The following EIF3B variants were observed in gnomAD, a reference collection of about 807,000 sequenced individuals.
EIF3B encodes the protein eukaryotic translation initiation factor 3 subunit B, also known as eukaryotic translation initiation factor 3 subunit 9.
Under a neutral mutation model 104.6 loss-of-function variants are expected in EIF3B, and 10 were observed. The observed-to-expected ratio is 0.10, with a 90% CI of 0.06 to 0.16. The LOEUF (loss-of-function observed/expected upper bound fraction) is 0.16. Among genes scored for constraint, EIF3B ranks in the 10% least tolerant of loss-of-function variants. The probability of loss-of-function intolerance (pLI) is 1.00; values close to 1 mark genes in which losing one functional copy is unlikely to be tolerated. For synonymous variants in EIF3B, 542 were observed against 417.2 expected, an observed-to-expected ratio of 1.30 and a Z score of -3.65; for missense variants, 1,014 against 1,087.9, an observed-to-expected ratio of 0.93 and a Z score of 0.96.
intron 9 of EIF3B, 92 bp from the exon 10 acceptor site, chr7:2,369,380 T>C: frequency 1.5e-6 from 2 of 1,351,696 alleles, no homozygotes; most frequent in East Asian, 2.3e-5. Flanking sequence ...ATTGAGCTTC[T>C]ATATAGCAAA....
chr7:2,374,283 A>T (rs892551082), intron 12 of EIF3B: 4 of 400,540 alleles, frequency 1.0e-5, no homozygotes, highest in Middle Eastern at 6.7e-4. Context: ...CAGTTACCTC[A>T]GGAAATAAGA....
chr7:2,368,128 G>C (rs1391935289), intron 9 of EIF3B, among the ~76,000 whole-genome samples: 1 of 151,828 alleles, frequency 6.6e-6, no homozygotes, highest in East Asian at 1.9e-4. Context: ...ACTGGCGTGA[G>C]CCACCACACC....
intron 1 of EIF3B, among the ~76,000 whole-genome samples, chr7:2,358,995 G>A (rs989131075): frequency 5.3e-5 from 8 of 152,120 alleles, no homozygotes; most frequent in African/African-American, 1.9e-4. Context: ...GAGGCAGGAG[G>A]ATTGCTAGAG....
At position 2,369,475 on chromosome 7, in the gene EIF3B, C is replaced by T; in HGVS notation, c.1407C>T (p.Asp469=). 6.2e-7 allele frequency: 1 copy of T among 1,614,206 alleles called. No individual in the cohort carries two copies. Among genetic ancestry groups the T allele is most frequent in the Non-Finnish European group, 8.5e-7 (1 of 1,180,022 alleles). Residue 469 remains aspartate (D), a synonymous_variant, in exon 10 of 19, where the codon GAC becomes GAT. Coordinates refer to ENST00000360876, the MANE Select transcript of EIF3B (RefSeq NM_001037283.2). ...KKSLKISGIK[D]FSWSPGGNII... is the part of the protein sequence containing the mutation. ...ATTTTATTTTCCTGTTCTGCAGAGA[C>T]TTTTCTTGGTCTCCTGGTGGTAACA...
intron 5 of EIF3B, 58 bp downstream of exon 5, chr7:2,363,818 A>G: frequency 6.4e-7 from 1 of 1,556,236 alleles, no homozygotes; most frequent in Non-Finnish European, 8.6e-7. Context: ...TCCTTAACAA[A>G]GTGGAACTTT....
intron 10 of EIF3B, among the ~76,000 whole-genome samples, chr7:2,371,285 T>G (rs1019963039): frequency 3.9e-5 from 6 of 152,220 alleles, no homozygotes; most frequent in Admixed American, 3.3e-4. Flanking sequence ...CAGTAATCTC[T>G]TGTTGGGTGG....
Position 2,378,697 on chromosome 7 carries a change from A to G in EIF3B, c.2163A>G (p.Lys721=). 6.2e-7 allele frequency: 1 copy of G among 1,613,918 alleles called. No homozygotes were observed. ...TGGGTCTTTTGTTTCAGCAAATTAA[A>G]AAGGATCTGAAGAAATACTCTAAGA... ...LLSQEQIKQI[K]KDLKKYSKIF... The change falls in exon 16 of 19, where the codon AAA becomes AAG. Residue 721 remains lysine (K), a synonymous_variant. Transcript: ENST00000360876.
intron 1 of EIF3B, among the ~76,000 whole-genome samples, chr7:2,358,987 G>A (rs1017511685): frequency 1.3e-5 from 2 of 152,028 alleles, no homozygotes; most frequent in African/African-American, 2.4e-5. Flanking sequence ...GGGAGGCTGA[G>A]GCAGGAGGAT....
At chr7:2,378,641 C>A in intron 15 of EIF3B, 48 bp from the exon 16 acceptor site, 2 of 1,543,046 alleles carry the variant, frequency 1.3e-6, no homozygotes, top group Non-Finnish European at 1.8e-6. Context: ...TGCATTTGTG[C>A]TTGTTGCTTT....
rs749437686 is a variant in EIF3B at position 2,366,533 on chromosome 7, A to G, written c.1298A>G (p.His433Arg). 5 of 1,614,238 alleles carry G rather than the reference A, an allele frequency of 3.1e-6. No homozygotes were observed. The highest frequency in any genetic ancestry group is 4.2e-6 in the Non-Finnish European group (5 of 1,180,034). The change falls in exon 8 of 19, where the codon CAT (histidine) becomes CGT (arginine). Residue 433 changes from histidine (H) to arginine (R), a missense_variant. Coordinates refer to ENST00000360876, the MANE Select transcript of EIF3B (RefSeq NM_001037283.2). The stretch of plus-strand genomic sequence containing the variant: ...ACTTTTGTTTTTCTTAGGTGGAGCC[A>G]TGATGGCAAATTCTTTGCCAGAATG... ...SAHWPIFKWS[H>R]DGKFFARMTL... is the part of the protein sequence containing the mutation.
chr7:2,362,737 G>A lies in EIF3B; in HGVS notation c.785G>A (p.Arg262Gln), dbSNP rs769844132. Residue 262 changes from arginine (R) to glutamine (Q), a missense_variant, in exon 3 of 19, where the codon CGG (arginine) becomes CAG (glutamine). Arg to Gln is a conservative substitution (Grantham distance 43). Transcript: ENST00000360876. Reference sequence around the variant, plus strand: ...AAGCTTGACAAGCAGCACACATTCCGGGTCAACCTCTTTACGGATTTTGAC... The same window carrying A: ...AAGCTTGACAAGCAGCACACATTCCAGGTCAACCTCTTTACGGATTTTGAC... ...GYKLDKQHTF[R>Q]VNLFTDFDKY... 5.6e-6 allele frequency: 9 copies of A among 1,614,154 alleles called. No individual in the cohort carries two copies. The highest frequency in any genetic ancestry group is 1.1e-5 in the South Asian group (1 of 91,088).
Position 2,363,236 on chromosome 7 carries a change from T to G in EIF3B, c.870+109T>G, listed in dbSNP as rs984719804. 10 of 1,144,654 alleles carry G rather than the reference T, an allele frequency of 8.7e-6. No individual in the cohort carries two copies. In the African/African-American group the frequency reaches 1.5e-4, roughly 17 times the overall value. 70.9% of individuals were successfully genotyped at this position (1,144,654 alleles called of 1,614,324 possible). On this transcript the variant is annotated intron_variant, in intron 4 of 18. Transcript: ENST00000360876. ...GGGAGGCTGAGGTGGGAGGATCGCT[T>G]AAGCCCAGGAATTCAAGACCAGCCT...
At chr7:2,362,157 A>G (rs1226942494) in intron 2 of EIF3B, among the ~76,000 whole-genome samples, 3 of 151,972 alleles carry the variant, frequency 2.0e-5, no homozygotes, top group African/African-American at 7.3e-5. Context: ...ACAGGGTTTC[A>G]CCATGTTGGC....
intron 14 of EIF3B, among the ~76,000 whole-genome samples, 155 bp downstream of exon 14, chr7:2,375,682 G>A (rs1420621639): frequency 1.3e-5 from 2 of 152,196 alleles, no homozygotes; most frequent in East Asian, 3.8e-4. Context: ...GGAGGAGGAG[G>A]ATTCTGGGTT....
chr7:2,376,196 C>G (rs2115334329), intron 14 of EIF3B: 1 of 152,786 alleles, frequency 6.5e-6, no homozygotes, highest in Middle Eastern at 3.4e-3. Context: ...CCTGCCTTGA[C>G]ACTTGAAATC....
Position 2,366,551 on chromosome 7 carries a change from C to A in EIF3B, c.1316C>A (p.Ala439Asp). Residue 439 changes from alanine to aspartate, a missense_variant, in exon 8 of 19, where the codon GCC (alanine) becomes GAC (aspartate). Around this residue, in one of 4 missense-constraint regions of EIF3B, gnomAD observed 201 missense variants for 240.7 expected, o/e 0.83. Coordinates refer to ENST00000360876, the MANE Select transcript of EIF3B (RefSeq NM_001037283.2). ...TGGAGCCATGATGGCAAATTCTTTGCCAGAATGACCCTGGATACGCTTAGC... is the reference window on the plus strand; with the variant it reads ...TGGAGCCATGATGGCAAATTCTTTGACAGAATGACCCTGGATACGCTTAGC... ...FKWSHDGKFF[A>D]RMTLDTLSIY... 6.2e-7 allele frequency: 1 copy of A among 1,614,148 alleles called. No individual in the cohort carries two copies. The highest frequency in any genetic ancestry group is 2.2e-5 in the East Asian group (1 of 44,888).
Position 2,362,326 on chromosome 7 carries a change from G to A in EIF3B, c.693-319G>A, listed in dbSNP as rs145943919. On this transcript the variant is annotated intron_variant, in intron 2 of 18. Coordinates refer to ENST00000360876, the MANE Select transcript of EIF3B (RefSeq NM_001037283.2). ...CAGTAAATCTGCATAGTTTTAAAGC[G>A]TACAATTTAATACATTTTGATGTGT... 4.5e-4 allele frequency among the ~76,000 whole-genome samples: 69 copies of A among 152,196 alleles called. No homozygotes were observed. The East Asian group carries it at 0.013, about 29-fold the overall frequency.
Position 2,380,432 on chromosome 7 carries a change from G to A in EIF3B, c.*243G>A, listed in dbSNP as rs369577381. ...CCTTTCAGCCCCTGGTGTCTGCAGT[G>A]GGGGATTTAAGGCACCCGCTTCCAC... On this transcript the variant is annotated 3_prime_UTR_variant, in exon 19 of 19. Coordinates refer to ENST00000360876, the MANE Select transcript of EIF3B (RefSeq NM_001037283.2). 11 of 515,958 alleles carry A rather than the reference G, an allele frequency of 2.1e-5. No homozygotes were observed. Among genetic ancestry groups the A allele is most frequent in the East Asian group, 1.1e-4 (2 of 18,334 alleles). The allele number at this position is 515,958 out of a possible 1,614,324, so 32.0% of individuals were successfully genotyped here.
Position 2,364,637 on chromosome 7 carries a change from G to A in EIF3B, c.1157+108G>A, listed in dbSNP as rs1392635889. 4 of 1,057,016 alleles carry A rather than the reference G, an allele frequency of 3.8e-6. No individual in the cohort carries two copies. The African/African-American group carries it at 6.5e-5, about 17-fold the overall frequency. 65.5% of individuals were successfully genotyped at this position (1,057,016 alleles called of 1,614,324 possible). On this transcript the variant is annotated intron_variant, in intron 6 of 18. Transcript: ENST00000360876. ...TTTCAAACTTAGTAGAAAAATACGG[G>A]AGTATGCAGAACGCTAATAAGCTTT...
Sources: allele counts gnomAD v4.1 joint callset (sites outside exome capture counted in the v4.1 genomes callset), GRCh38; gene constraint gnomAD v4.1.1; regional missense constraint gnomAD v4.1.1; transcripts MANE v1.5; gene names NCBI Gene and HGNC (gene_info 2026-07-23, HGNC 2026-07-21).